Variants in STXBP5L observed in about 807,000 individuals in gnomAD.
STXBP5L encodes syntaxin-binding protein 5-like.
A neutral mutation model predicts 144.5 loss-of-function variants in STXBP5L; 65 were observed. The ratio of observed to expected loss-of-function variants is 0.45; its 90% CI spans 0.37 to 0.55. The LOEUF is 0.55. Among genes scored for constraint, STXBP5L ranks in the 20% least tolerant of loss-of-function variants. STXBP5L has a pLI of 0.00. For synonymous variants in STXBP5L, 505 were observed against 469.6 expected (o/e 1.08, Z -0.97); for missense variants, 1,298 against 1,405.5 (o/e 0.92, Z 1.22).
chr3:121,030,019 C>T lies in STXBP5L; in HGVS notation c.288-11681C>T, dbSNP rs142416679. On this transcript the variant is annotated intron_variant, in intron 3 of 26. Transcript: ENST00000471454. ...GTTACAATGGTGATTATTAAAAAGT[C>T]AGGAAACGACAGAAGCTGGAGAGGA... is the stretch of plus-strand genomic sequence containing the variant. 4.5e-3 allele frequency among the ~76,000 whole-genome samples: 689 copies of T among 152,186 alleles called. 4 individuals carry two copies. Among genetic ancestry groups the T allele is most frequent in the African/African-American group, 0.016 (657 of 41,540 alleles).
intron 23 of STXBP5L, among the ~76,000 whole-genome samples, chr3:121,410,405 A>G (rs1473053375): frequency 6.6e-6 from 1 of 152,038 alleles, no homozygotes; most frequent in Admixed American, 6.6e-5. Context: ...TGATTTTAAT[A>G]ATACATATAC....
intron 5 of STXBP5L, among the ~76,000 whole-genome samples, chr3:121,066,702 A>T (rs1462721782): frequency 6.6e-6 from 1 of 152,084 alleles, no homozygotes; most frequent in Non-Finnish European, 1.5e-5. Context: ...TCCCCTGTCA[A>T]GTTCTCACTT....
chr3:121,342,036 T>G (rs1287358739), intron 20 of STXBP5L, among the ~76,000 whole-genome samples: 1 of 152,068 alleles, frequency 6.6e-6, no homozygotes, highest in African/African-American at 2.4e-5. Context: ...CTTGATGTGA[T>G]AGATATCACA....
At chr3:120,979,727 C>G (rs182554449) in intron 3 of STXBP5L, among the ~76,000 whole-genome samples, 51 of 152,268 alleles carry the variant, frequency 3.3e-4, no homozygotes, top group Middle Eastern at 3.4e-3. Context: ...TGTTTGGTCT[C>G]AGTTTCATTT....
chr3:121,218,544 T>C (rs779261058), intron 10 of STXBP5L, among the ~76,000 whole-genome samples: 1 of 151,754 alleles, frequency 6.6e-6, no homozygotes, highest in Non-Finnish European at 1.5e-5. Context: ...GTTACTTTTA[T>C]AGAGATATGC....
intron 5 of STXBP5L, among the ~76,000 whole-genome samples, chr3:121,059,943 C>T (rs111334921): frequency 0.016 from 2,468 of 152,220 alleles, 60 homozygotes; most frequent in African/African-American, 0.056. Flanking sequence ...TTCCTCTCTT[C>T]CTATTTGAAT....
At chr3:121,297,931 A>G (rs1300310184) in intron 19 of STXBP5L, among the ~76,000 whole-genome samples, 1 of 152,254 alleles carries the variant, frequency 6.6e-6, no homozygotes, top group Non-Finnish European at 1.5e-5. Context: ...ATAATGCTGC[A>G]TTGAACATGA....
At chr3:121,130,735 C>T (rs1186245378) in intron 7 of STXBP5L, among the ~76,000 whole-genome samples, 1 of 151,980 alleles carries the variant, frequency 6.6e-6, no homozygotes, top group East Asian at 1.9e-4. Flanking sequence ...TGAATAATGA[C>T]ACGATAATTT....
At chr3:121,177,954 G>A (rs997040564) in intron 9 of STXBP5L, among the ~76,000 whole-genome samples, 2 of 152,144 alleles carry the variant, frequency 1.3e-5, no homozygotes, top group Non-Finnish European at 2.9e-5. Context: ...TTGAAAAATA[G>A]GGAAATTCTG....
In STXBP5L at chr3:121,097,952, C is replaced by T. The variant is rs374092647; in HGVS notation, c.471-16973C>T. ...GGTTTACGTTGAACGTAAAGCCAAG[C>T]AATACTCCCATTTTTTTTTCTATTT... On this transcript the variant is annotated intron_variant, in intron 5 of 26. Transcript: ENST00000471454. 7.6e-4 allele frequency among the ~76,000 whole-genome samples: 115 copies of T among 152,120 alleles called. 1 individual carries two copies. The highest frequency in any genetic ancestry group is 4.1e-4 in the Non-Finnish European group (28 of 68,002).
At chr3:121,245,201 A>AT (rs1470525240) in intron 14 of STXBP5L, among the ~76,000 whole-genome samples, 3 of 152,186 alleles carry the variant, frequency 2.0e-5, no homozygotes, top group African/African-American at 4.8e-5. Context: ...AAAGGAGTAG[A>AT]TTTTTTGTAT....
intron 5 of STXBP5L, among the ~76,000 whole-genome samples, chr3:121,064,474 C>G (rs1375278449): frequency 6.6e-6 from 1 of 152,238 alleles, no homozygotes; most frequent in Non-Finnish European, 1.5e-5. Flanking sequence ...AAAAATTCCA[C>G]AAACACCCTT....
chr3:121,011,950 G>C (rs1003906088), intron 3 of STXBP5L, among the ~76,000 whole-genome samples: 2 of 151,660 alleles, frequency 1.3e-5, no homozygotes, highest in African/African-American at 2.4e-5. Context: ...GTACCTATTA[G>C]ACAGTCACTT....
intron 14 of STXBP5L, 55 bp from the exon 15 acceptor site, chr3:121,250,668 G>T: frequency 7.1e-7 from 1 of 1,415,584 alleles, no homozygotes; most frequent in South Asian, 1.2e-5. Flanking sequence ...CATTTGGAGT[G>T]ATTATGATTT....
At chr3:121,041,047 G>A (rs1007867747) in intron 3 of STXBP5L, among the ~76,000 whole-genome samples, 1 of 149,146 alleles carries the variant, frequency 6.7e-6, no homozygotes, top group Non-Finnish European at 1.5e-5. Context: ...TTGTTATATG[G>A]TGTTTTCTCA....
intron 3 of STXBP5L, among the ~76,000 whole-genome samples, chr3:121,017,327 A>T (rs1945213345): frequency 6.6e-6 from 1 of 152,230 alleles, no homozygotes; most frequent in Non-Finnish European, 1.5e-5. Flanking sequence ...AACCTACAGC[A>T]ACATTATACT....
rs149886706 is a variant in STXBP5L at position 121,076,182 on chromosome 3, C to T, written c.470+30647C>T. On this transcript the variant is annotated intron_variant, in intron 5 of 26. Coordinates refer to ENST00000471454, the MANE Select transcript of STXBP5L (RefSeq NM_001308330.2). ...GCACCTGCATTGCTTGGGCATGGCC[C>T]GACCTAAGGCAGCCGACCTCATCCC... Among the ~76,000 whole-genome samples, 702 of 152,216 alleles carry T rather than the reference C, an allele frequency of 4.6e-3. 4 individuals are homozygous for T. The highest frequency in any genetic ancestry group is 0.016 in the African/African-American group (656 of 41,516).
At chr3:121,083,364 TA>T (rs1178026106) in intron 5 of STXBP5L, among the ~76,000 whole-genome samples, 5 of 152,170 alleles carry the variant, frequency 3.3e-5, no homozygotes, top group Non-Finnish European at 5.9e-5. Context: ...AAGAGATTGT[TA>T]AAATTGGTAT....
intron 5 of STXBP5L, among the ~76,000 whole-genome samples, chr3:121,063,301 G>C (rs1357985705): frequency 6.6e-6 from 1 of 152,208 alleles, no homozygotes; most frequent in Non-Finnish European, 1.5e-5. Context: ...ACTGCAGACT[G>C]TTTGCTTGGG....
Sources: gnomAD v4.1 joint callset for allele counts (sites outside exome capture counted in the v4.1 genomes callset) on GRCh38, gnomAD v4.1.1 for gene constraint, MANE v1.5 for transcripts, NCBI Gene and HGNC (gene_info 2026-07-23, HGNC 2026-07-21) for gene names.